Variants in PABPC4 observed in about 807,000 individuals in gnomAD.
PABPC4 encodes the protein poly(A) binding protein cytoplasmic 4.
A neutral mutation model predicts 74.5 loss-of-function variants in PABPC4; 15 were observed. The ratio of observed to expected loss-of-function variants is 0.20; its 90% CI spans 0.13 to 0.31. PABPC4 has a LOEUF of 0.31. PABPC4 is among the 10% of genes least tolerant of loss of function. The pLI is 1.00. For synonymous variants in PABPC4, 345 were observed against 303.0 expected (o/e 1.14, Z -1.44); for missense variants, 610 against 853.5 (o/e 0.71, Z 3.55).
rs1645761120 is a variant in PABPC4, at chr1:39,560,960, C to T, written c.*176G>A. 4 of 323,026 alleles carry T rather than the reference C, an allele frequency of 1.2e-5. No individual in the cohort carries two copies. The highest frequency in any genetic ancestry group is 7.9e-5 in the South Asian group (3 of 37,982). The allele number at this position is 323,026 out of a possible 1,614,324, so 20.0% of individuals were successfully genotyped here. Reference sequence around the variant, plus strand: ...CACAGCAGAACCCAAAGAACATATTCGTATAATTGAAAAATTCTAGGTGCT... The same window carrying T: ...CACAGCAGAACCCAAAGAACATATTTGTATAATTGAAAAATTCTAGGTGCT... On this transcript the variant is annotated 3_prime_UTR_variant, in exon 16 of 16. Coordinates refer to ENST00000372858, the MANE Select transcript of PABPC4 (RefSeq NM_001135653.2).
chr1:39,567,621 T>C, intron 7 of PABPC4, 130 bp downstream of exon 7: 1 of 700,576 alleles, frequency 1.4e-6, no homozygotes, highest in Non-Finnish European at 2.6e-6. Flanking sequence ...TCCAGAAATT[T>C]TGCTAGAAAA....
At chr1:39,561,620 A>G in intron 15 of PABPC4, 65 bp downstream of exon 15, 1 of 1,152,690 alleles carries the variant, frequency 8.7e-7, no homozygotes, top group Non-Finnish European at 1.3e-6. Flanking sequence ...CTCAGGTCAA[A>G]CCACAAAGAC....
At chr1:39,573,743 C>T (rs1254393401) in intron 1 of PABPC4, among the ~76,000 whole-genome samples, 3 of 152,178 alleles carry the variant, frequency 2.0e-5, no homozygotes, top group African/African-American at 7.2e-5. Context: ...TGTTTGGACC[C>T]AGGAGTCAGA....
chr1:39,563,766 A>T (rs1418100505), intron 11 of PABPC4, 25 bp from the exon 12 acceptor site: 1 of 1,613,792 alleles, frequency 6.2e-7, no homozygotes, highest in Non-Finnish European at 8.5e-7. Flanking sequence ...AAATACAATT[A>T]AAGCCCATCA....
Position 39,575,872 on chromosome 1 carries a change from A to G in PABPC4, c.80T>C (p.Leu27Pro). The G allele has an allele frequency of 6.2e-7, 1 of 1,612,544 alleles. No individual in the cohort carries two copies. The highest frequency in any genetic ancestry group is 8.5e-7 in the Non-Finnish European group (1 of 1,179,628). ...CCCCGCGGGGCTGAACTTTTCGTAC[A>G]GCATGGCCTCGGTGACGTCCGAATG... ...DLHSDVTEAM[L>P]YEKFSPAGPV... Residue 27 changes from leucine to proline, a missense_variant, in exon 1 of 16, where the codon CTG (leucine) becomes CCG (proline). By Grantham distance (98) the Leu-to-Pro change is moderately conservative. This residue lies in a region of PABPC4 where 304 missense variants were observed against 478.9 expected (regional missense o/e 0.63). Transcript: ENST00000372858.
chr1:39,572,555 A>G lies in PABPC4; in HGVS notation c.225T>C (p.Asp75=). The G allele has an allele frequency of 6.2e-7, 1 of 1,614,064 alleles. No homozygotes were observed. The highest frequency in any genetic ancestry group is 1.1e-5 in the South Asian group (1 of 91,056). ...AERALDTMNF[D]VIKGKPIRIM... ...TGCGGATTGGCTTTCCCTTAATCACATCAAAGTTCATGGTGTCCAAAGCCC... is the reference window on the plus strand; with the variant it reads ...TGCGGATTGGCTTTCCCTTAATCACGTCAAAGTTCATGGTGTCCAAAGCCC... Residue 75 remains aspartate, a synonymous_variant, in exon 2 of 16, where the codon GAT becomes GAC. Coordinates refer to ENST00000372858, the MANE Select transcript of PABPC4 (RefSeq NM_001135653.2).
rs761748846 is a variant in PABPC4 at position 39,571,365 on chromosome 1, C to T, written c.388-16G>A. 3.4e-5 allele frequency: 55 copies of T among 1,613,790 alleles called. No homozygotes were observed. The highest frequency in any genetic ancestry group is 8.0e-5 in the African/African-American group (6 of 74,922). On this transcript the variant is annotated splice_polypyrimidine_tract_variant and intron_variant, in intron 2 of 15. Coordinates refer to ENST00000372858, the MANE Select transcript of PABPC4 (RefSeq NM_001135653.2). ...CACACACCACCTGTCAAAGACAAGGCGGACCACTTTAGCAGAACTGGCCAG... is the reference window on the plus strand; with the variant it reads ...CACACACCACCTGTCAAAGACAAGGTGGACCACTTTAGCAGAACTGGCCAG...
intron 10 of PABPC4, 102 bp downstream of exon 10, chr1:39,564,321 C>T: frequency 7.3e-7 from 1 of 1,372,080 alleles, no homozygotes; most frequent in East Asian, 2.3e-5. Context: ...AGAACCAGGA[C>T]TCGATAAATT....
chr1:39,574,773 C>T (rs1276138590), intron 1 of PABPC4, among the ~76,000 whole-genome samples: 2 of 152,238 alleles, frequency 1.3e-5, no homozygotes, highest in African/African-American at 4.8e-5. Context: ...GCTTGTTTCT[C>T]CCAGTAATGA....
At chr1:39,561,465 T>C (rs1333304027) in intron 15 of PABPC4, 1 of 537,342 alleles carries the variant, frequency 1.9e-6, no homozygotes, top group Non-Finnish European at 3.4e-6. Flanking sequence ...CCTACAACCA[T>C]CAACCAGTAC....
At position 39,575,990 on chromosome 1, in the gene PABPC4, C is replaced by A; in HGVS notation, c.-39G>T. On this transcript the variant is annotated 5_prime_UTR_variant, in exon 1 of 16. Transcript: ENST00000372858. ...ACCACCCCGAGCCCCGCCAGGAGGA[C>A]TTCTTATCGGGCCCGCCGCAGGACA... 1 of 1,371,614 alleles carries A rather than the reference C, an allele frequency of 7.3e-7. No homozygotes were observed. Among genetic ancestry groups the A allele is most frequent in the Non-Finnish European group, 9.7e-7 (1 of 1,031,768 alleles). The allele number at this position is 1,371,614 out of a possible 1,614,324, so 85.0% of individuals were successfully genotyped here.
Position 39,560,860 on chromosome 1 carries a change from G to A in PABPC4, c.*276C>T, listed in dbSNP as rs2124434936. The A allele has an allele frequency of 4.9e-6, 1 of 205,088 alleles. No individual in the cohort carries two copies. Among genetic ancestry groups the A allele is most frequent in the South Asian group, 7.7e-5 (1 of 12,962 alleles). 12.7% of individuals were successfully genotyped at this position (205,088 alleles called of 1,614,324 possible). On this transcript the variant is annotated 3_prime_UTR_variant, in exon 16 of 16. Transcript: ENST00000372858. ...CTTTATTGGGAAACGTAAGACTTGG[G>A]TACATCAAATAAAACCAATTTCTGG...
chr1:39,571,486 T>C (rs1645939098), intron 2 of PABPC4, 137 bp from the exon 3 acceptor site: 5 of 922,046 alleles, frequency 5.4e-6, no homozygotes, highest in Middle Eastern at 4.7e-4. Flanking sequence ...ATAATTTTTC[T>C]AACACCTAGC....
intron 4 of PABPC4, 85 bp downstream of exon 4, chr1:39,569,778 A>G: frequency 6.3e-7 from 1 of 1,591,422 alleles, no homozygotes; most frequent in Non-Finnish European, 8.6e-7. Flanking sequence ...ACTTGAAGCA[A>G]ATCTCTGGAG....
At chr1:39,566,960 C>G (rs1209590977) in intron 7 of PABPC4, among the ~76,000 whole-genome samples, 3 of 152,122 alleles carry the variant, frequency 2.0e-5, no homozygotes, top group Non-Finnish European at 4.4e-5. Context: ...AGAGCCAGGG[C>G]AGGGCCACTA....
intron 7 of PABPC4, among the ~76,000 whole-genome samples, chr1:39,567,179 T>A (rs1261779994): frequency 6.6e-6 from 1 of 152,116 alleles, no homozygotes; most frequent in Non-Finnish European, 1.5e-5. Context: ...GGACTAAAAT[T>A]CCTTATCTTT....
intron 12 of PABPC4, 127 bp downstream of exon 12, chr1:39,563,487 T>G (rs545392218): frequency 2.4e-6 from 3 of 1,231,534 alleles, no homozygotes; most frequent in Non-Finnish European, 3.3e-6. Flanking sequence ...GGACAGTGAA[T>G]CAGAACATAG....
intron 1 of PABPC4, among the ~76,000 whole-genome samples, chr1:39,572,925 G>C (rs2068473): frequency 0.5 from 75,598 of 151,998 alleles, 20,024 homozygotes; most frequent in South Asian, 0.78. Context: ...TTACCACTTA[G>C]AAGAGACTTT....
chr1:39,566,205 C>T (rs1334198229), intron 7 of PABPC4, among the ~76,000 whole-genome samples: 2 of 152,294 alleles, frequency 1.3e-5, no homozygotes, highest in East Asian at 3.9e-4. Context: ...GAGAGTAGTA[C>T]TGAGCAATTT....
Sources: allele counts gnomAD v4.1 joint callset (sites outside exome capture counted in the v4.1 genomes callset), GRCh38; gene constraint gnomAD v4.1.1; regional missense constraint gnomAD v4.1.1; transcripts MANE v1.5; gene names NCBI Gene and HGNC (gene_info 2026-07-23, HGNC 2026-07-21).